The following DESI2 variants were observed in gnomAD, a reference collection of about 807,000 sequenced individuals.
The protein encoded by DESI2 is desumoylating isopeptidase 2, also known as deubiquitinase DESI2.
In DESI2, 10 loss-of-function variants were observed where a neutral mutation model predicts 24.1. The ratio of observed to expected loss-of-function variants is 0.41; its 90% confidence interval spans 0.26 to 0.70. The LOEUF (loss-of-function observed/expected upper bound fraction) is 0.70. Among genes scored for constraint, DESI2 ranks in the 30% least tolerant of loss-of-function variants. DESI2 has a pLI of 0.29. For missense variants in DESI2, 122 were observed against 234.9 expected, an observed-to-expected ratio of 0.52 and a Z score of 3.14; for synonymous variants, 71 against 87.7, an observed-to-expected ratio of 0.81 and a Z score of 1.06.
At chr1:244,692,108 ACTT>A (rs1677050394) in intron 4 of DESI2, 88 bp downstream of exon 4, 3 of 1,190,614 alleles carry the variant, frequency 2.5e-6, no homozygotes, top group Non-Finnish European at 2.4e-6. Context: ...ATCTTGATTC[ACTT>A]CTTTTCCGAT....
At chr1:244,688,746 TACATG>T (rs1676910721) in intron 2 of DESI2, among the ~76,000 whole-genome samples, 2 of 152,190 alleles carry the variant, frequency 1.3e-5, no homozygotes, top group South Asian at 4.1e-4. Flanking sequence ...ATTTTTTTCT[TACATG>T]AAGAGAATTG....
At chr1:244,680,026 T>TA (rs1446326288) in intron 1 of DESI2, among the ~76,000 whole-genome samples, 1 of 44,454 alleles carries the variant, frequency 2.2e-5, no homozygotes, top group Admixed American at 3.2e-4. Flanking sequence ...TAGCCTTTTT[T>TA]TTTTTTTTTT....
In DESI2 at chr1:244,653,204, C is replaced by T; in HGVS notation, c.-110C>T. 4.3e-6 allele frequency: 5 copies of T among 1,169,720 alleles called. No individual in the cohort carries two copies. Among genetic ancestry groups the T allele is most frequent in the Middle Eastern group, 3.1e-4 (1 of 3,276 alleles). 72.5% of individuals were successfully genotyped at this position (1,169,720 alleles called of 1,614,324 possible). A position where few individuals can be genotyped will look rare whatever the true frequency, so the allele number is the denominator to read the frequency against. On this transcript the variant is annotated 5_prime_UTR_variant, in exon 1 of 5. In the 5' UTR this introduces an upstream ATG that the reference lacks. Coordinates refer to ENST00000302550, the MANE Select transcript of DESI2 (RefSeq NM_016076.5). The stretch of plus-strand genomic sequence containing the variant: ...CCCGGCTGCCGCGGGCCGGGCTGTA[C>T]GCTTAGTGCCCGGCTCAGGCCCCCT...
intron 3 of DESI2, among the ~76,000 whole-genome samples, chr1:244,690,481 G>A (rs541230335): frequency 6.6e-6 from 1 of 152,232 alleles, no homozygotes; most frequent in Non-Finnish European, 1.5e-5. Flanking sequence ...CAAGGCAGGC[G>A]GATCACCTGA....
intron 1 of DESI2, among the ~76,000 whole-genome samples, chr1:244,685,954 T>C (rs6683387): frequency 0.01 from 1,554 of 152,320 alleles, 29 homozygotes; most frequent in African/African-American, 0.035. Context: ...ATGGGCCCCA[T>C]GGCCCAGTTT....
chr1:244,681,550 T>A (rs1214334593), intron 1 of DESI2, among the ~76,000 whole-genome samples: 5 of 152,164 alleles, frequency 3.3e-5, no homozygotes, highest in African/African-American at 1.2e-4. Context: ...ATCAGGCATT[T>A]GTTAGATTCT....
intron 1 of DESI2, among the ~76,000 whole-genome samples, chr1:244,655,994 C>T (rs956253625): frequency 3.3e-5 from 5 of 152,140 alleles, no homozygotes; most frequent in Admixed American, 3.3e-4. Context: ...AAATTTTGGT[C>T]TGTTATACTA....
At chr1:244,691,736 A>G in intron 3 of DESI2, 143 bp from the exon 4 acceptor site, 3 of 624,886 alleles carry the variant, frequency 4.8e-6, no homozygotes, top group Non-Finnish European at 7.7e-6. Flanking sequence ...TTTCACTTTT[A>G]GTCTTGTTAT....
chr1:244,699,330 T>G (rs2148816096), intron 4 of DESI2, among the ~76,000 whole-genome samples: 1 of 152,150 alleles, frequency 6.6e-6, no homozygotes, highest in East Asian at 1.9e-4. Context: ...ATGCCTGTAA[T>G]CCCAACGCTT....
chr1:244,673,439 A>G (rs1347358827), intron 1 of DESI2, among the ~76,000 whole-genome samples: 1 of 152,268 alleles, frequency 6.6e-6, no homozygotes, highest in Non-Finnish European at 1.5e-5. Flanking sequence ...ATACATATTT[A>G]GAATTGTTTT....
chr1:244,658,367 A>G (rs1675720330), intron 1 of DESI2, among the ~76,000 whole-genome samples: 1 of 152,142 alleles, frequency 6.6e-6, no homozygotes, highest in African/African-American at 2.4e-5. Context: ...ATGCATGCCC[A>G]TCCTTCTGTC....
chr1:244,681,959 G>GTGTC (rs1415600871), intron 1 of DESI2, among the ~76,000 whole-genome samples: 1 of 152,130 alleles, frequency 6.6e-6, no homozygotes, highest in African/African-American at 2.4e-5. Context: ...TAAAGATGGT[G>GTGTC]TGTCTGGAGT....
rs1402275414 is a variant in DESI2, at chr1:244,677,893, C to T, written c.43-8704C>T. 3.9e-5 allele frequency among the ~76,000 whole-genome samples: 6 copies of T among 152,128 alleles called. No individual in the cohort carries two copies. In the East Asian group the frequency reaches 1.2e-3, roughly 29 times the overall value. Reference sequence around the variant, plus strand: ...TATGATCGTACCACTGCACTCCAGCCTAGGCGACAGAGTGAGACCCTGTCT... The same window carrying T: ...TATGATCGTACCACTGCACTCCAGCTTAGGCGACAGAGTGAGACCCTGTCT... On this transcript the variant is annotated intron_variant, in intron 1 of 4. Transcript: ENST00000302550.
intron 4 of DESI2, among the ~76,000 whole-genome samples, 158 bp from the exon 5 acceptor site, chr1:244,705,398 A>G (rs369716259): frequency 6.6e-6 from 1 of 152,150 alleles, no homozygotes; most frequent in East Asian, 1.9e-4. Context: ...CTGAGTAAAG[A>G]GCTGCTTGTT....
At chr1:244,653,460 C>G in intron 1 of DESI2, 105 bp downstream of exon 1, 1 of 1,239,042 alleles carries the variant, frequency 8.1e-7, no homozygotes, top group Non-Finnish European at 1.1e-6. Flanking sequence ...GCGTCTCCGC[C>G]TCCAGCCTAG....
chr1:244,682,813 T>C (rs1304999172), intron 1 of DESI2, among the ~76,000 whole-genome samples: 3 of 148,664 alleles, frequency 2.0e-5, no homozygotes, highest in Non-Finnish European at 3.0e-5. Flanking sequence ...AAGATGTAGA[T>C]ACAGACATTC....
At position 244,708,616 on chromosome 1, in the gene DESI2, G is replaced by C. The variant is rs1302968169; in HGVS notation, c.*2827G>C. ...GGGTAGAAACACATTCACTGCTTCA[G>C]GGTTCTAATCTGTGTGTCTCCTTAT... On this transcript the variant is annotated 3_prime_UTR_variant, in exon 5 of 5. Transcript: ENST00000302550. The C allele has an allele frequency of 6.6e-6, 1 of 152,630 alleles. No homozygotes were observed. Among genetic ancestry groups the C allele is most frequent in the Non-Finnish European group, 1.5e-5 (1 of 68,038 alleles). 9.5% of individuals were successfully genotyped at this position (152,630 alleles called of 1,614,324 possible).
At chr1:244,705,471 C>T (rs1677658080) in intron 4 of DESI2, 85 bp from the exon 5 acceptor site, 11 of 1,183,822 alleles carry the variant, frequency 9.3e-6, no homozygotes, top group Admixed American at 1.8e-5. Context: ...TACGCCGCCC[C>T]CCTCCTCCCA....
At chr1:244,663,977 C>T (rs572706838) in intron 1 of DESI2, among the ~76,000 whole-genome samples, 20 of 144,448 alleles carry the variant, frequency 1.4e-4, no homozygotes, top group African/African-American at 4.8e-4. Flanking sequence ...GAGATTGCGC[C>T]ACTGCACGCC....
Sources: allele counts gnomAD v4.1 joint callset (sites outside exome capture counted in the v4.1 genomes callset), GRCh38; gene constraint gnomAD v4.1.1; transcripts MANE v1.5; gene names NCBI Gene and HGNC (gene_info 2026-07-23, HGNC 2026-07-21).